Variants in HUNK observed in about 807,000 individuals in gnomAD.
The protein encoded by HUNK is hormonally up-regulated neu tumor-associated kinase.
In HUNK, 21 loss-of-function variants were observed where a neutral mutation model predicts 61.0. The ratio of observed to expected loss-of-function variants is 0.34; its 90% CI spans 0.24 to 0.50. HUNK has a LOEUF of 0.50. Ranked by LOEUF, HUNK falls within the 20% of genes least tolerant of loss-of-function variation. HUNK has a pLI of 0.98. For synonymous variants in HUNK, 371 were observed against 386.1 expected (o/e 0.96, Z 0.46); for missense variants, 772 against 945.7 (o/e 0.82, Z 2.41).
At chr21:31,907,415 A>G (rs2052513501) in intron 1 of HUNK, among the ~76,000 whole-genome samples, 1 of 152,218 alleles carries the variant, frequency 6.6e-6, no homozygotes, top group Admixed American at 6.5e-5. Context: ...TAGGAAATGT[A>G]ACATGACTTA....
chr21:31,969,465 G>A (rs1392350421), intron 6 of HUNK, among the ~76,000 whole-genome samples: 1 of 152,186 alleles, frequency 6.6e-6, no homozygotes, highest in African/African-American at 2.4e-5. Flanking sequence ...AGCAAAGCTT[G>A]CAGACAGGAA....
intron 4 of HUNK, among the ~76,000 whole-genome samples, 177 bp from the exon 5 acceptor site, chr21:31,958,666 G>C (rs994789109): frequency 2.0e-5 from 3 of 152,096 alleles, no homozygotes; most frequent in Non-Finnish European, 4.4e-5. Flanking sequence ...CACCATGTCC[G>C]ACCTCACCCA....
chr21:31,919,439 A>G (rs2052608707), intron 1 of HUNK, among the ~76,000 whole-genome samples: 2 of 152,174 alleles, frequency 1.3e-5, no homozygotes, highest in Non-Finnish European at 2.9e-5. Context: ...AAAGCCTAGC[A>G]TGCACCCTTA....
At chr21:31,885,310 G>A (rs1601358365) in intron 1 of HUNK, among the ~76,000 whole-genome samples, 1 of 152,174 alleles carries the variant, frequency 6.6e-6, no homozygotes, top group African/African-American at 2.4e-5. Flanking sequence ...GGCACTCTTC[G>A]AGGGGCTCTG....
At chr21:31,945,227 G>A (rs2052793962) in intron 3 of HUNK, among the ~76,000 whole-genome samples, 1 of 152,120 alleles carries the variant, frequency 6.6e-6, no homozygotes, top group Non-Finnish European at 1.5e-5. Flanking sequence ...AACAGTAACA[G>A]CTCTTTAATT....
chr21:31,923,814 T>A (rs1362372793), intron 1 of HUNK, among the ~76,000 whole-genome samples: 1 of 152,000 alleles, frequency 6.6e-6, no homozygotes, highest in Non-Finnish European at 1.5e-5. Flanking sequence ...GTAGTAGAAA[T>A]GTGATCCTGA....
chr21:31,955,258 ATT>A (rs10654162), intron 4 of HUNK, among the ~76,000 whole-genome samples: 10 of 145,000 alleles, frequency 6.9e-5, no homozygotes, highest in African/African-American at 2.0e-4. Context: ...AATAAAAGTG[ATT>A]TTTTTTTTTT....
chr21:31,982,009 T>C (rs1052199929), intron 7 of HUNK, among the ~76,000 whole-genome samples: 15 of 152,124 alleles, frequency 9.9e-5, no homozygotes, highest in Non-Finnish European at 2.2e-4. Context: ...GATCAACCCA[T>C]CACCTAGGCA....
At chr21:31,949,233 G>A (rs2052832140) in intron 4 of HUNK, among the ~76,000 whole-genome samples, 1 of 152,202 alleles carries the variant, frequency 6.6e-6, no homozygotes, top group Admixed American at 6.5e-5. Flanking sequence ...AGGTGGGCTG[G>A]GGTCATGTGG....
Position 31,995,955 on chromosome 21 carries a change from C to T in HUNK, c.1486+7C>T, listed in dbSNP as rs1459714715. 12 of 1,610,202 alleles carry T rather than the reference C, an allele frequency of 7.5e-6. No individual in the cohort carries two copies. The highest frequency in any genetic ancestry group is 1.0e-5 in the Non-Finnish European group (12 of 1,177,408). On this transcript the variant is annotated splice_region_variant and intron_variant, in intron 10 of 10. Transcript: ENST00000270112. ...TCCAGCTTCCCCGACAAAGGTGGGT[C>T]AGCTCTGGGGACTCTCTCAGGCCAC...
At chr21:31,995,303 G>A (rs1404657618) in intron 9 of HUNK, among the ~76,000 whole-genome samples, 3 of 152,166 alleles carry the variant, frequency 2.0e-5, no homozygotes, top group Non-Finnish European at 4.4e-5. Context: ...TGTTGTATAT[G>A]TTGTGTTGGC....
At chr21:31,939,945 T>C (rs1032459900) in intron 2 of HUNK, among the ~76,000 whole-genome samples, 1 of 151,890 alleles carries the variant, frequency 6.6e-6, no homozygotes, top group Non-Finnish European at 1.5e-5. Flanking sequence ...CTCTTTGCTG[T>C]CTGTCATGTC....
chr21:31,908,615 C>T (rs1050923997), intron 1 of HUNK, among the ~76,000 whole-genome samples: 4 of 152,148 alleles, frequency 2.6e-5, no homozygotes, highest in Non-Finnish European at 4.4e-5. Context: ...CTGCCCACCA[C>T]GTCGGGGTGT....
At chr21:31,968,155 G>T (rs2052980635) in intron 5 of HUNK, 95 bp from the exon 6 acceptor site, 4 of 1,464,956 alleles carry the variant, frequency 2.7e-6, no homozygotes, top group Middle Eastern at 4.5e-4. Flanking sequence ...CTCGGGATGG[G>T]CAGGCAAGGT....
intron 3 of HUNK, among the ~76,000 whole-genome samples, chr21:31,945,246 G>T (rs777327246): frequency 6.6e-6 from 1 of 152,132 alleles, no homozygotes; most frequent in Non-Finnish European, 1.5e-5. Flanking sequence ...TTACCTGTCA[G>T]TTTCAGTATC....
intron 10 of HUNK, among the ~76,000 whole-genome samples, chr21:31,997,091 C>T (rs929307853): frequency 9.8e-5 from 15 of 152,374 alleles, no homozygotes; most frequent in East Asian, 3.9e-4. Context: ...CTCCCAAAAT[C>T]GATCCCAGTG....
intron 1 of HUNK, among the ~76,000 whole-genome samples, chr21:31,903,360 A>G (rs562452552): frequency 6.6e-6 from 1 of 152,292 alleles, no homozygotes; most frequent in African/African-American, 2.4e-5. Flanking sequence ...GAACTTGACT[A>G]TATAAATATT....
At chr21:31,881,230 G>A (rs900448374) in intron 1 of HUNK, among the ~76,000 whole-genome samples, 1 of 152,200 alleles carries the variant, frequency 6.6e-6, no homozygotes, top group Non-Finnish European at 1.5e-5. Flanking sequence ...CATACCATAT[G>A]GACCGTAGAC....
intron 1 of HUNK, among the ~76,000 whole-genome samples, chr21:31,891,312 G>A (rs1220964736): frequency 6.6e-6 from 1 of 152,270 alleles, no homozygotes; most frequent in South Asian, 2.1e-4. Flanking sequence ...AGGAGGCGGA[G>A]GTTGCAGTGA....
Sources: gnomAD v4.1 joint callset for allele counts (sites outside exome capture counted in the v4.1 genomes callset) on GRCh38, gnomAD v4.1.1 for gene constraint, MANE v1.5 for transcripts, NCBI Gene and HGNC (gene_info 2026-07-23, HGNC 2026-07-21) for gene names.